The following USP15 variants were observed in gnomAD, a reference collection of about 807,000 sequenced individuals.
USP15 encodes ubiquitin specific peptidase 15, also known as ubiquitin carboxyl-terminal hydrolase 15.
In USP15, 18 loss-of-function variants were observed where a neutral mutation model predicts 127.1. The ratio of observed to expected loss-of-function variants is 0.14; its 90% CI spans 0.10 to 0.21. USP15 has a LOEUF of 0.21. Ranked by LOEUF, USP15 falls within the 10% of genes least tolerant of loss-of-function variation. USP15 has a pLI of 1.00. For synonymous variants in USP15, 364 were observed against 393.7 expected (o/e 0.92, Z 0.89); for missense variants, 805 against 1,159.9 (o/e 0.69, Z 4.44).
intron 1 of USP15, among the ~76,000 whole-genome samples, chr12:62,261,260 A>G (rs535941214): frequency 4.6e-5 from 7 of 152,298 alleles, no homozygotes; most frequent in Admixed American, 2.0e-4. Context: ...CTAATATTCA[A>G]ACTTGTAAAA....
chr12:62,362,793 A>C (rs956187439), intron 8 of USP15, among the ~76,000 whole-genome samples: 1 of 152,208 alleles, frequency 6.6e-6, no homozygotes, highest in Admixed American at 6.5e-5. Flanking sequence ...ATATTAAATC[A>C]ATCATGAATT....
chr12:62,323,842 T>C (rs911174865), intron 5 of USP15, among the ~76,000 whole-genome samples: 1 of 152,192 alleles, frequency 6.6e-6, no homozygotes, highest in Non-Finnish European at 1.5e-5. Flanking sequence ...GGTATGTATT[T>C]ATCAGATGGC....
In USP15 at chr12:62,310,315, A is replaced by G. The variant is rs566613890; in HGVS notation, c.349-4475A>G. On this transcript the variant is annotated intron_variant, in intron 3 of 21. Transcript: ENST00000280377. ...TATAGTCACCCTGCTCTGCTACCAA[A>G]CATTGAATTTATTCCATTTTACTGT... Among the ~76,000 whole-genome samples, 337 of 151,892 alleles carry G rather than the reference A, an allele frequency of 2.2e-3. 2 individuals carry two copies. Among genetic ancestry groups the G allele is most frequent in the African/African-American group, 7.8e-3 (324 of 41,484 alleles).
At chr12:62,326,821 T>C (rs1345166070) in intron 6 of USP15, among the ~76,000 whole-genome samples, 1 of 152,220 alleles carries the variant, frequency 6.6e-6, no homozygotes, top group Non-Finnish European at 1.5e-5. Context: ...AAAAATCTGC[T>C]ACTTTATTTG....
chr12:62,409,616 GAAAC>G lies in USP15; in HGVS notation c.*5249_*5252del, dbSNP rs1592757791. On this transcript the variant is annotated 3_prime_UTR_variant, in exon 22 of 22. Coordinates refer to ENST00000280377, the MANE Select transcript of USP15 (RefSeq NM_001252078.2). Reference sequence around the variant, plus strand: ...TGCAGCTTGTTCTATATAGTTTGGTGAAACAAACAAAACAGTTTTTATCTGCTGT... The same window carrying G: ...TGCAGCTTGTTCTATATAGTTTGGTGAAACAAAACAGTTTTTATCTGCTGT... 1.3e-5 allele frequency: 2 copies of G among 152,042 alleles called. No individual in the cohort carries two copies. 9.4% of individuals were successfully genotyped at this position (152,042 alleles called of 1,614,324 possible).
chr12:62,304,111 C>T (rs1295200899), intron 3 of USP15, among the ~76,000 whole-genome samples: 1 of 152,074 alleles, frequency 6.6e-6, no homozygotes, highest in Non-Finnish European at 1.5e-5. Flanking sequence ...ATAAATGTAG[C>T]ACATTATACA....
At chr12:62,386,398 C>G (rs2067150774) in intron 11 of USP15, among the ~76,000 whole-genome samples, 1 of 151,812 alleles carries the variant, frequency 6.6e-6, no homozygotes, top group African/African-American at 2.4e-5. Context: ...GTGCAAGGTG[C>G]TAGAAATATA....
At position 62,342,481 on chromosome 12, in the gene USP15, A is replaced by G. The variant is rs951974375; in HGVS notation, c.684-6740A>G. ...GAGGAGTTGTGATCATTTGGAGAAG[A>G]AGCATTCTGGCTTTTGGAATTTTCA... On this transcript the variant is annotated intron_variant, in intron 6 of 21. Coordinates refer to ENST00000280377, the MANE Select transcript of USP15 (RefSeq NM_001252078.2). 5.9e-5 allele frequency among the ~76,000 whole-genome samples: 9 copies of G among 152,220 alleles called. 1 individual carries two copies. The highest frequency in any genetic ancestry group is 2.6e-4 in the Admixed American group (4 of 15,292).
intron 1 of USP15, among the ~76,000 whole-genome samples, chr12:62,278,270 A>G (rs1026229381): frequency 2.0e-5 from 3 of 152,134 alleles, no homozygotes; most frequent in Non-Finnish European, 2.9e-5. Flanking sequence ...CTTCATCTGG[A>G]ATACTTCCTG....
chr12:62,408,484 A>G lies in USP15; in HGVS notation c.*4109A>G, dbSNP rs2067947050. ...ATATCAGAGGAGTGAGAAGGAAAGG[A>G]AGAGCTCCTTTCTAGGGCCATAGAA... On this transcript the variant is annotated 3_prime_UTR_variant, in exon 22 of 22. Coordinates refer to ENST00000280377, the MANE Select transcript of USP15 (RefSeq NM_001252078.2). 1 of 152,128 alleles carries G rather than the reference A, an allele frequency of 6.6e-6. No homozygotes were observed. Among genetic ancestry groups the G allele is most frequent in the Admixed American group, 6.6e-5 (1 of 15,262 alleles). 9.4% of individuals were successfully genotyped at this position (152,128 alleles called of 1,614,324 possible).
intron 3 of USP15, among the ~76,000 whole-genome samples, chr12:62,308,546 G>T (rs1356262762): frequency 6.6e-6 from 1 of 151,944 alleles, no homozygotes; most frequent in Non-Finnish European, 1.5e-5. Flanking sequence ...CCATAACTTT[G>T]CCCTTAACTT....
intron 9 of USP15, 118 bp from the exon 10 acceptor site, chr12:62,383,722 T>G (rs926825618): frequency 1.8e-4 from 220 of 1,233,350 alleles, no homozygotes; most frequent in Non-Finnish European, 2.2e-4. Context: ...CAAATACATT[T>G]TAGAAAGCAG....
chr12:62,260,738 C>T lies in USP15; in HGVS notation c.89+235C>T, dbSNP rs1186603551. ...AAAGGTATCCGGGGAGCGGCGGCGG[C>T]GGCGGTTCTGACTCGTGCGGTTCTC... On this transcript the variant is annotated intron_variant, in intron 1 of 21. Transcript: ENST00000280377. Among the ~76,000 whole-genome samples the T allele has an allele frequency of 6.6e-5, 10 of 152,156 alleles. No individual in the cohort carries two copies. The South Asian group carries it at 1.7e-3, about 25-fold the overall frequency.
chr12:62,304,672 G>C, intron 3 of USP15: 1 of 451,760 alleles, frequency 2.2e-6, no homozygotes, highest in Middle Eastern at 3.3e-4. Context: ...GTCATTTATA[G>C]TGTCAACACT....
intron 1 of USP15, among the ~76,000 whole-genome samples, chr12:62,263,081 T>TA (rs1242038656): frequency 2.0e-5 from 3 of 152,220 alleles, no homozygotes; most frequent in Admixed American, 6.5e-5. Context: ...AATAATTTGA[T>TA]AAGTATAAAT....
intron 1 of USP15, among the ~76,000 whole-genome samples, chr12:62,272,431 G>C (rs1017225121): frequency 1.3e-5 from 2 of 151,892 alleles, no homozygotes; most frequent in East Asian, 1.9e-4. Flanking sequence ...TCTGAAAATT[G>C]TCAGCATAAA....
intron 1 of USP15, among the ~76,000 whole-genome samples, chr12:62,284,482 T>C (rs1331640507): frequency 1.3e-5 from 2 of 152,222 alleles, no homozygotes; most frequent in African/African-American, 4.8e-5. Context: ...TCATGAATAT[T>C]CTTTAAGAAA....
At chr12:62,376,016 T>A (rs1592694938) in intron 8 of USP15, among the ~76,000 whole-genome samples, 1 of 152,150 alleles carries the variant, frequency 6.6e-6, no homozygotes, top group East Asian at 1.9e-4. Context: ...TTTAGTTTTT[T>A]AATCATTACT....
chr12:62,401,858 TTG>T (rs3085021), intron 21 of USP15, among the ~76,000 whole-genome samples: 11 of 146,984 alleles, frequency 7.5e-5, no homozygotes, highest in African/African-American at 2.8e-4. Context: ...CAGTATGGGT[TTG>T]TGTGTGTGTG....
Sources: allele counts gnomAD v4.1 joint callset (sites outside exome capture counted in the v4.1 genomes callset), GRCh38; gene constraint gnomAD v4.1.1; transcripts MANE v1.5; gene names NCBI Gene and HGNC (gene_info 2026-07-23, HGNC 2026-07-21).